The following TCERG1L variants were observed in gnomAD, a reference collection of about 807,000 sequenced individuals.
The protein encoded by TCERG1L is transcription elongation regulator 1 like.
In TCERG1L, 37 loss-of-function variants were observed where a neutral mutation model predicts 56.3. That is an observed-to-expected ratio of 0.66 (90% CI 0.51 to 0.87). The LOEUF is 0.87. Among genes scored for constraint, TCERG1L ranks in the 40% least tolerant of loss-of-function variants. The probability of loss-of-function intolerance (pLI) is 0.00; values close to 1 mark genes in which losing one functional copy is unlikely to be tolerated. For synonymous variants in TCERG1L, 324 were observed against 326.3 expected, an observed-to-expected ratio of 0.99 and a Z score of 0.08; for missense variants, 799 against 774.2, an observed-to-expected ratio of 1.03 and a Z score of -0.38.
At chr10:131,238,633 T>C (rs780442583) in intron 4 of TCERG1L, among the ~76,000 whole-genome samples, 6 of 152,342 alleles carry the variant, frequency 3.9e-5, no homozygotes, top group Non-Finnish European at 7.3e-5. Context: ...TCAAGCTTGC[T>C]GCGGTTCTTT....
chr10:131,093,880 G>A (rs577110401), intron 11 of TCERG1L, among the ~76,000 whole-genome samples: 98 of 152,188 alleles, frequency 6.4e-4, no homozygotes, highest in Middle Eastern at 3.4e-3. Flanking sequence ...CCTCACTTGC[G>A]GAACTGGACT....
chr10:131,265,743 C>T (rs1040474953), intron 3 of TCERG1L, among the ~76,000 whole-genome samples: 2 of 152,212 alleles, frequency 1.3e-5, no homozygotes, highest in Admixed American at 6.5e-5. Context: ...TAGTTTATTG[C>T]TAAAAAATAT....
chr10:131,162,190 T>C (rs1286864331), intron 6 of TCERG1L: 7 of 152,118 alleles, frequency 4.6e-5, no homozygotes, highest in Non-Finnish European at 7.3e-5. Context: ...TTGTAAGGGT[T>C]GGAGAATGGG....
intron 4 of TCERG1L, among the ~76,000 whole-genome samples, chr10:131,204,825 C>T (rs1845498741): frequency 6.6e-6 from 1 of 152,210 alleles, no homozygotes; most frequent in African/African-American, 2.4e-5. Flanking sequence ...GAGAAGAGCC[C>T]ACCTCTCGGT....
chr10:131,177,376 T>C (rs1286050257), intron 4 of TCERG1L, among the ~76,000 whole-genome samples: 1 of 152,258 alleles, frequency 6.6e-6, no homozygotes, highest in Admixed American at 6.5e-5. Flanking sequence ...TGCTGCTCTG[T>C]GCCCTCCGTG....
intron 4 of TCERG1L, among the ~76,000 whole-genome samples, chr10:131,215,299 GAT>G (rs1312077829): frequency 6.6e-6 from 1 of 152,208 alleles, no homozygotes; most frequent in African/African-American, 2.4e-5. Flanking sequence ...CATGAGAGAA[GAT>G]AGTCCTTAAG....
intron 3 of TCERG1L, among the ~76,000 whole-genome samples, chr10:131,285,459 GAAA>G (rs1846515046): frequency 3.0e-5 from 4 of 135,372 alleles, no homozygotes; most frequent in African/African-American, 1.1e-4. Flanking sequence ...GAAAGAGAGA[GAAA>G]GGGAAGAAAG....
At chr10:131,178,565 G>C (rs559134310) in intron 4 of TCERG1L, among the ~76,000 whole-genome samples, 1 of 152,272 alleles carries the variant, frequency 6.6e-6, no homozygotes, top group African/African-American at 2.4e-5. Flanking sequence ...TCAGGGCCTG[G>C]GAAGAGGCAC....
intron 8 of TCERG1L, among the ~76,000 whole-genome samples, chr10:131,123,257 A>C (rs747357026): frequency 2.8e-4 from 42 of 152,158 alleles, no homozygotes; most frequent in Non-Finnish European, 5.1e-4. Flanking sequence ...CAATACCACC[A>C]AGTAAGTAAA....
At chr10:131,132,529 C>A (rs1454375128) in intron 8 of TCERG1L, among the ~76,000 whole-genome samples, 1 of 152,264 alleles carries the variant, frequency 6.6e-6, no homozygotes, top group Non-Finnish European at 1.5e-5. Context: ...CGGATCCCGC[C>A]TCCCACACAA....
At chr10:131,284,914 A>G (rs1233868837) in intron 3 of TCERG1L, among the ~76,000 whole-genome samples, 1 of 152,190 alleles carries the variant, frequency 6.6e-6, no homozygotes, top group East Asian at 1.9e-4. Context: ...CACATAGGAA[A>G]GATGAGGTTC....
At chr10:131,120,620 T>G (rs961287113) in intron 8 of TCERG1L, among the ~76,000 whole-genome samples, 1 of 152,244 alleles carries the variant, frequency 6.6e-6, no homozygotes, top group African/African-American at 2.4e-5. Flanking sequence ...CCTCATAGGC[T>G]GACACCCAGG....
At chr10:131,242,172 C>T (rs761996816) in intron 4 of TCERG1L, among the ~76,000 whole-genome samples, 2 of 152,112 alleles carry the variant, frequency 1.3e-5, no homozygotes, top group Non-Finnish European at 2.9e-5. Context: ...ATAATACATT[C>T]GGGGAACGTG....
intron 3 of TCERG1L, among the ~76,000 whole-genome samples, chr10:131,271,832 C>A (rs893471050): frequency 1.1e-4 from 17 of 152,220 alleles, no homozygotes; most frequent in Admixed American, 3.3e-4. Context: ...AGCTGCCATG[C>A]TGTCTGTGCT....
rs372502353 is a variant in TCERG1L at position 131,260,382 on chromosome 10, C to A, written c.733G>T (p.Ala245Ser). Residue 245 changes from alanine (A) to serine (S), a missense_variant, in exon 4 of 12, where the codon GCC becomes TCC. Physicochemically the swap from Ala to Ser is moderately conservative, Grantham distance 99. Coordinates refer to ENST00000368642, the MANE Select transcript of TCERG1L (RefSeq NM_174937.4). This position sits in a 1 kb window ranked among gnomAD's most constrained non-coding sequence, Gnocchi z 5.8. ...SPAIAIATAA[A>S]AAMVSVDPEN... The stretch of plus-strand genomic sequence containing the variant: ...GGGTCCACGGAGACCATGGCAGCGG[C>A]GGCGGCGGTGGCGATGGCAATGGCG... 31 of 1,492,212 alleles carry A rather than the reference C, an allele frequency of 2.1e-5. No individual in the cohort carries two copies. The highest frequency in any genetic ancestry group is 2.7e-5 in the Non-Finnish European group (31 of 1,131,658). 92.4% of individuals were successfully genotyped at this position (1,492,212 alleles called of 1,614,324 possible).
chr10:131,164,654 G>A (rs1202251445), intron 5 of TCERG1L, among the ~76,000 whole-genome samples: 2 of 152,136 alleles, frequency 1.3e-5, no homozygotes, highest in Non-Finnish European at 1.5e-5. Flanking sequence ...AAATACCAGT[G>A]CCTTATTCAA....
chr10:131,239,874 A>G (rs530559391), intron 4 of TCERG1L, among the ~76,000 whole-genome samples: 1 of 152,208 alleles, frequency 6.6e-6, no homozygotes, highest in Non-Finnish European at 1.5e-5. Context: ...TTATCTTACT[A>G]CAGCCCCTAG....
intron 3 of TCERG1L, among the ~76,000 whole-genome samples, chr10:131,284,803 G>GA (rs1461394789): frequency 6.6e-6 from 1 of 151,702 alleles, no homozygotes; most frequent in African/African-American, 2.4e-5. Flanking sequence ...ATAAATTCTA[G>GA]AAGAAAAATA....
chr10:131,161,072 T>C (rs1845972352), intron 6 of TCERG1L: 1 of 152,208 alleles, frequency 6.6e-6, no homozygotes, highest in Non-Finnish European at 1.5e-5. Flanking sequence ...CATCGTAAAA[T>C]GTATATGCAG....
Sources: allele counts gnomAD v4.1 joint callset (sites outside exome capture counted in the v4.1 genomes callset), GRCh38; gene constraint gnomAD v4.1.1; non-coding constraint Gnocchi (gnomAD v3.1); transcripts MANE v1.5; gene names NCBI Gene and HGNC (gene_info 2026-07-23, HGNC 2026-07-21).